The following POU2AF2 variants were observed in gnomAD, a reference collection of about 807,000 sequenced individuals.
The protein encoded by POU2AF2 is POU domain class 2-associating factor 2.
the POU2AF2 span, chr11:111,245,907 T>C: frequency 2.5e-6 from 1 of 398,758 alleles, no homozygotes; most frequent in South Asian, 1.3e-4. Context: ...ACTTTAATCC[T>C]AATTTTTATT....
At chr11:111,285,234 C>T in the POU2AF2 span, among the ~76,000 whole-genome samples, 2 of 152,102 alleles carry the variant, frequency 1.3e-5, no homozygotes, top group Non-Finnish European at 2.9e-5. Context: ...AAAAATTCAC[C>T]ATGGAGTTGA....
At chr11:111,285,437 C>A in the POU2AF2 span, among the ~76,000 whole-genome samples, 3 of 152,326 alleles carry the variant, frequency 2.0e-5, no homozygotes, top group South Asian at 4.1e-4. Flanking sequence ...GAAAAGGAAT[C>A]TCAATATCTA....
At chr11:111,284,544 C>A in the POU2AF2 span, among the ~76,000 whole-genome samples, 3 of 152,232 alleles carry the variant, frequency 2.0e-5, no homozygotes, top group Admixed American at 6.5e-5. Context: ...TCCGAGGGAG[C>A]CTTGTTCAAG....
chr11:111,259,163 G>C, the POU2AF2 span, among the ~76,000 whole-genome samples: 1 of 152,108 alleles, frequency 6.6e-6, no homozygotes, highest in Non-Finnish European at 1.5e-5. Flanking sequence ...CTCATGTGTT[G>C]TTTCATTTGA....
At chr11:111,264,960 G>T in the POU2AF2 span, among the ~76,000 whole-genome samples, 1 of 150,766 alleles carries the variant, frequency 6.6e-6, no homozygotes, top group Non-Finnish European at 1.5e-5. Flanking sequence ...GGGAGAGGAA[G>T]GAAGGAAGGA....
At chr11:111,262,016 A>G in the POU2AF2 span, among the ~76,000 whole-genome samples, 1 of 152,200 alleles carries the variant, frequency 6.6e-6, no homozygotes, top group African/African-American at 2.4e-5. Flanking sequence ...GCCAATCTCA[A>G]GTGTTTGCTT....
the POU2AF2 span, among the ~76,000 whole-genome samples, chr11:111,247,866 A>C: frequency 7.0e-6 from 1 of 142,178 alleles, no homozygotes; most frequent in Non-Finnish European, 1.5e-5. Context: ...GAGCTTGGAG[A>C]CTATAAGTGG....
the POU2AF2 span, among the ~76,000 whole-genome samples, chr11:111,277,772 G>A: frequency 6.6e-6 from 1 of 152,308 alleles, no homozygotes; most frequent in Admixed American, 6.5e-5. Context: ...ACCCAGGACA[G>A]CTACCACCCC....
At chr11:111,263,063 TA>T in the POU2AF2 span, among the ~76,000 whole-genome samples, 1 of 152,198 alleles carries the variant, frequency 6.6e-6, no homozygotes, top group East Asian at 1.9e-4. Flanking sequence ...TCTACTTATT[TA>T]ACAAAAATCC....
At chr11:111,276,448 AAAAAAATATATATATATATATAT>A in the POU2AF2 span, among the ~76,000 whole-genome samples, 8 of 52,816 alleles carry the variant, frequency 1.5e-4, no homozygotes, top group African/African-American at 5.2e-4. Context: ...AGAAAAAAAA[AAAAAAATATATATATATATATAT>A]ATATATATAT....
chr11:111,263,969 G>A, the POU2AF2 span, among the ~76,000 whole-genome samples: 3 of 152,198 alleles, frequency 2.0e-5, no homozygotes, highest in Non-Finnish European at 2.9e-5. Context: ...CAATGCCATT[G>A]CTATTAAACA....
At chr11:111,245,873 C>T in the POU2AF2 span, 1 of 398,752 alleles carries the variant, frequency 2.5e-6, no homozygotes, top group Admixed American at 4.4e-5. Flanking sequence ...GGTAAGTCAA[C>T]ATCAATTATT....
the POU2AF2 span, among the ~76,000 whole-genome samples, chr11:111,266,608 TC>T: frequency 6.6e-6 from 1 of 152,122 alleles, no homozygotes; most frequent in African/African-American, 2.4e-5. Flanking sequence ...TGAGTCCCCT[TC>T]CCACCTGTTC....
chr11:111,250,797 T>C, the POU2AF2 span, among the ~76,000 whole-genome samples: 8 of 152,228 alleles, frequency 5.3e-5, no homozygotes, highest in East Asian at 9.6e-4. Context: ...CATTTAGCCA[T>C]GTGGATAATG....
chr11:111,264,567 AGAAAGAAAGG>A, the POU2AF2 span, among the ~76,000 whole-genome samples: 7,570 of 49,682 alleles, frequency 0.15, 1,374 homozygotes, highest in Middle Eastern at 0.32. Flanking sequence ...AAAGAAAGAA[AGAAAGAAAGG>A]GAGAGAGAAA....
chr11:111,251,742 A>G, the POU2AF2 span, among the ~76,000 whole-genome samples: 10 of 152,092 alleles, frequency 6.6e-5, no homozygotes, highest in Middle Eastern at 3.2e-3. Context: ...CTGCTCTTTC[A>G]CATGTGAATG....
At chr11:111,273,585 A>G in the POU2AF2 span, among the ~76,000 whole-genome samples, 1 of 152,238 alleles carries the variant, frequency 6.6e-6, no homozygotes, top group Non-Finnish European at 1.5e-5. Flanking sequence ...ATTTTATCTC[A>G]ATTTGAATTA....
the POU2AF2 span, among the ~76,000 whole-genome samples, chr11:111,274,139 T>G: frequency 2.6e-5 from 4 of 152,158 alleles, no homozygotes; most frequent in Admixed American, 1.3e-4. Flanking sequence ...GCTTAGGCTT[T>G]TCTCTCCTGA....
chr11:111,269,125 T>A, the POU2AF2 span, among the ~76,000 whole-genome samples: 1 of 152,078 alleles, frequency 6.6e-6, no homozygotes, highest in South Asian at 2.1e-4. Context: ...TTTTGCTCCA[T>A]CTCATAGCAC....
Sources: allele counts gnomAD v4.1 joint callset (sites outside exome capture counted in the v4.1 genomes callset), GRCh38; gene constraint gnomAD v4.1.1; transcripts MANE v1.5; gene names NCBI Gene and HGNC (gene_info 2026-07-23, HGNC 2026-07-21).